Variants in CEP290 observed in about 807,000 individuals in gnomAD.
The protein encoded by CEP290 is centrosomal protein 290, also known as centrosomal protein of 290 kDa.
CEP290 carries 317 observed loss-of-function variants against 344.9 expected under a neutral mutation model. The ratio of observed to expected loss-of-function variants is 0.92; its 90% confidence interval spans 0.84 to 1.01. The LOEUF (loss-of-function observed/expected upper bound fraction) is 1.01, where lower values mean the gene tolerates loss of function less well. Among genes scored for constraint, CEP290 ranks in the 50% least tolerant of loss-of-function variants. CEP290 has a pLI of 0.00. For synonymous variants in CEP290, 932 were observed against 895.8 expected, an observed-to-expected ratio of 1.04 and a Z score of -0.72; for missense variants, 2,754 against 2,761.4, an observed-to-expected ratio of 1.00 and a Z score of 0.06.
intron 49 of CEP290, 89 bp downstream of exon 49, chr12:88,058,759 C>T: frequency 1.6e-6 from 2 of 1,274,266 alleles, no homozygotes; most frequent in Non-Finnish European, 2.2e-6. Context: ...CAGGAAGAAA[C>T]CAGGTTATCC....
chr12:88,109,398 C>G (rs978461211), intron 22 of CEP290, among the ~76,000 whole-genome samples: 1 of 152,066 alleles, frequency 6.6e-6, no homozygotes, highest in Non-Finnish European at 1.5e-5. Context: ...TTTTAGCACA[C>G]AAATTACCAG....
chr12:88,096,653 T>A (rs2037454307), intron 27 of CEP290, among the ~76,000 whole-genome samples: 1 of 152,088 alleles, frequency 6.6e-6, no homozygotes, highest in Admixed American at 6.5e-5. Context: ...AGTCATAAAT[T>A]TTTAACATAT....
chr12:88,065,438 C>A (rs1248326343), intron 44 of CEP290, among the ~76,000 whole-genome samples: 2 of 152,148 alleles, frequency 1.3e-5, no homozygotes, highest in African/African-American at 4.8e-5. Context: ...GAATACATTT[C>A]CACTTAATAA....
intron 39 of CEP290, 45 bp from the exon 40 acceptor site, chr12:88,077,963 G>C (rs2035907987): frequency 5.0e-6 from 4 of 801,440 alleles, no homozygotes; most frequent in Non-Finnish European, 7.7e-6. Context: ...TCTTCAAGAA[G>C]TATCAATGAT....
At chr12:88,075,814 T>C (rs2035728171) in intron 41 of CEP290, among the ~76,000 whole-genome samples, 1 of 152,116 alleles carries the variant, frequency 6.6e-6, no homozygotes, top group African/African-American at 2.4e-5. Context: ...CATAGACCCC[T>C]GTTTTCTCTT....
At chr12:88,096,050 A>AT (rs72194586) in intron 27 of CEP290, among the ~76,000 whole-genome samples, 18 of 150,174 alleles carry the variant, frequency 1.2e-4, no homozygotes, top group African/African-American at 3.7e-4. Flanking sequence ...AATAAAACAA[A>AT]TTTTTTTTTT....
intron 37 of CEP290, 87 bp from the exon 38 acceptor site, chr12:88,080,482 T>C (rs1009808637): frequency 1.0e-6 from 1 of 956,358 alleles, no homozygotes; most frequent in Admixed American, 2.7e-5. Flanking sequence ...CAGGCTGGAG[T>C]GCAGCAGCGC....
intron 37 of CEP290, among the ~76,000 whole-genome samples, chr12:88,082,066 G>A (rs551104877): frequency 1.3e-5 from 2 of 152,220 alleles, no homozygotes; most frequent in African/African-American, 4.8e-5. Flanking sequence ...ACTCTAGCAG[G>A]GGCTTGAGAG....
chr12:88,139,065 C>A, intron 5 of CEP290, 80 bp downstream of exon 5: 1 of 751,386 alleles, frequency 1.3e-6, no homozygotes, highest in Non-Finnish European at 2.2e-6. Context: ...TTTTTCCAGC[C>A]AACAATAATT....
intron 52 of CEP290, among the ~76,000 whole-genome samples, chr12:88,052,521 G>A (rs754430289): frequency 1.3e-5 from 2 of 152,076 alleles, no homozygotes; most frequent in African/African-American, 2.4e-5. Flanking sequence ...ATATATATAC[G>A]TAAATGCAAA....
intron 6 of CEP290, among the ~76,000 whole-genome samples, chr12:88,133,072 GTTTTTTT>G (rs778943616): frequency 6.2e-5 from 8 of 129,028 alleles, no homozygotes; most frequent in East Asian, 2.2e-4. Flanking sequence ...TCTTGTTCCG[GTTTTTTT>G]TTTTTTTTTT....
intron 6 of CEP290, among the ~76,000 whole-genome samples, chr12:88,131,898 A>G (rs1159816854): frequency 6.6e-6 from 1 of 152,174 alleles, no homozygotes; most frequent in Non-Finnish European, 1.5e-5. Flanking sequence ...AGTGAACATA[A>G]ATTACTTAGA....
rs11314427 is a variant in CEP290, at chr12:88,063,142, CAA to C, written c.6271-366_6271-365del. ...TAAAAACCAGAATAAGAAGCAGTAC[CAA>C]AAAAAAAAAAAAGGAAAAAAAGTGC... On this transcript the variant is annotated intron_variant, in intron 45 of 53. Coordinates refer to ENST00000552810, the MANE Select transcript of CEP290 (RefSeq NM_025114.4). 4.3e-3 allele frequency among the ~76,000 whole-genome samples: 554 copies of C among 129,632 alleles called. 1 individual carries two copies. Among genetic ancestry groups the C allele is most frequent in the Non-Finnish European group, 5.8e-3 (359 of 61,912 alleles). The allele number at this position is 129,632 out of a possible 152,430, so 85.0% of individuals were successfully genotyped here. A position where few individuals can be genotyped will look rare whatever the true frequency, so the allele number is the denominator to read the frequency against.
Position 88,062,716 on chromosome 12 carries a change from C to T in CEP290, c.6333G>A (p.Gln2111=). The change falls in exon 46 of 54, where the codon CAG becomes CAA. Residue 2111 remains glutamine, a synonymous_variant. Transcript: ENST00000552810. ...EFLKKEKAEV[Q]RKLGHVRGSG... is the part of the protein sequence containing the mutation. ...CCCCTCTAACATGGCCAAGTTTCCG[C>T]TGAACTTCTGCTTTTTCTTTCTTAA... is the stretch of plus-strand genomic sequence containing the variant. 6.2e-7 allele frequency: 1 copy of T among 1,603,976 alleles called. No homozygotes were observed. Among genetic ancestry groups the T allele is most frequent in the Non-Finnish European group, 8.5e-7 (1 of 1,174,608 alleles).
At chr12:88,134,501 G>A (rs1216849451) in intron 6 of CEP290, among the ~76,000 whole-genome samples, 1 of 152,182 alleles carries the variant, frequency 6.6e-6, no homozygotes, top group Non-Finnish European at 1.5e-5. Context: ...TTCAGGAAAA[G>A]AACCAAATTC....
intron 27 of CEP290, 80 bp downstream of exon 27, chr12:88,096,808 G>A: frequency 4.2e-6 from 3 of 707,618 alleles, no homozygotes; most frequent in Non-Finnish European, 4.6e-6. Flanking sequence ...TTTTAATCTA[G>A]CATAAAAAAG....
intron 38 of CEP290, among the ~76,000 whole-genome samples, chr12:88,079,713 A>G (rs981091856): frequency 6.6e-6 from 1 of 152,056 alleles, no homozygotes; most frequent in African/African-American, 2.4e-5. Flanking sequence ...ACTAAAAAAA[A>G]CCCTAATAAA....
chr12:88,079,113 A>C lies in CEP290; in HGVS notation c.5343T>G (p.Asp1781Glu), dbSNP rs1341571451. 1 of 1,593,220 alleles carries C rather than the reference A, an allele frequency of 6.3e-7. No homozygotes were observed. Among genetic ancestry groups the C allele is most frequent in the East Asian group, 2.3e-5 (1 of 43,606 alleles). ...EAHLNVQQIV[D>E]RHTRELKTQV... ...TCACCTTTAGCTCTCTAGTATGTCG[A>C]TCAACGATTTGTTGAACATTGAGAT... Residue 1781 changes from aspartate to glutamate, a missense_variant, in exon 39 of 54, where the codon GAT becomes GAG. By Grantham distance (45) the Asp-to-Glu change is conservative. Coordinates refer to ENST00000552810, the MANE Select transcript of CEP290 (RefSeq NM_025114.4).
At chr12:88,095,639 G>A (rs917051543) in intron 27 of CEP290, among the ~76,000 whole-genome samples, 3 of 152,090 alleles carry the variant, frequency 2.0e-5, no homozygotes, top group African/African-American at 7.2e-5. Flanking sequence ...GCTTATGTAA[G>A]ATTTCCCAGT....
Sources: allele counts gnomAD v4.1 joint callset (sites outside exome capture counted in the v4.1 genomes callset), GRCh38; gene constraint gnomAD v4.1.1; transcripts MANE v1.5; gene names NCBI Gene and HGNC (gene_info 2026-07-23, HGNC 2026-07-21).